The following RPS6KA2 variants were observed in gnomAD, a reference collection of about 807,000 sequenced individuals.
RPS6KA2 encodes ribosomal protein S6 kinase A2.
A neutral mutation model predicts 91.8 loss-of-function variants in RPS6KA2; 42 were observed. The observed-to-expected ratio is 0.46, with a 90% CI of 0.36 to 0.59. The LOEUF (loss-of-function observed/expected upper bound fraction) is 0.59. RPS6KA2 is among the 20% of genes least tolerant of loss of function. RPS6KA2 has a pLI of 0.00. For synonymous variants in RPS6KA2, 414 were observed against 393.6 expected, an observed-to-expected ratio of 1.05 and a Z score of -0.61; for missense variants, 798 against 978.5, an observed-to-expected ratio of 0.82 and a Z score of 2.46.
chr6:166,548,669 T>G (rs951295046), intron 1 of RPS6KA2, among the ~76,000 whole-genome samples: 4 of 152,214 alleles, frequency 2.6e-5, no homozygotes, highest in African/African-American at 9.6e-5. Context: ...ATTCCATCTC[T>G]TATACAATAA....
intron 2 of RPS6KA2, chr6:166,702,093 T>C (rs1383401422): frequency 2.1e-6 from 3 of 1,428,690 alleles, no homozygotes; most frequent in Non-Finnish European, 2.0e-6. Flanking sequence ...GTAGAGAGGA[T>C]AGTAATCGAC....
intron 10 of RPS6KA2, among the ~76,000 whole-genome samples, chr6:166,480,122 C>T (rs1781136820): frequency 6.6e-6 from 1 of 152,016 alleles, no homozygotes; most frequent in Non-Finnish European, 1.5e-5. Context: ...TTTACTTTTG[C>T]AGAGATTTTT....
chr6:166,480,477 TTTTATATA>T (rs1305133151), intron 10 of RPS6KA2, among the ~76,000 whole-genome samples: 3 of 43,920 alleles, frequency 6.8e-5, no homozygotes, highest in African/African-American at 3.7e-4. Flanking sequence ...AAGATTGTGA[TTTTATATA>T]TATATATATA....
At chr6:166,801,082 T>C (rs940172563) in intron 2 of RPS6KA2, among the ~76,000 whole-genome samples, 2 of 152,222 alleles carry the variant, frequency 1.3e-5, no homozygotes, top group African/African-American at 4.8e-5. Flanking sequence ...AACCATGGTA[T>C]GTGCACTTTT....
At chr6:166,535,080 C>T (rs537151363) in intron 2 of RPS6KA2, among the ~76,000 whole-genome samples, 8 of 152,324 alleles carry the variant, frequency 5.3e-5, no homozygotes, top group South Asian at 4.1e-4. Flanking sequence ...CTCGAGCTAA[C>T]GCAGGCACTG....
chr6:166,603,708 T>C lies in RPS6KA2; in HGVS notation c.99+23213A>G, dbSNP rs992170308. ...ATCTAAGGCTCAAGTTAGACAAAGT[T>C]AACAGGCACAGGAAGGATACTGAAT... On this transcript the variant is annotated intron_variant, in intron 1 of 20. Coordinates refer to ENST00000265678, the MANE Select transcript of RPS6KA2 (RefSeq NM_021135.6). This position sits in a 1 kb window ranked among gnomAD's most constrained non-coding sequence, Gnocchi z 4.3. 6.6e-6 allele frequency among the ~76,000 whole-genome samples: 1 copy of C among 152,046 alleles called. No individual in the cohort carries two copies. The highest frequency in any genetic ancestry group is 2.4e-5 in the African/African-American group (1 of 41,386).
chr6:166,472,731 G>A (rs1289701376), intron 10 of RPS6KA2, among the ~76,000 whole-genome samples: 14 of 152,160 alleles, frequency 9.2e-5, no homozygotes, highest in Non-Finnish European at 8.8e-5. Context: ...AGTTCTGGGC[G>A]GGGAGAATCG....
intron 20 of RPS6KA2, among the ~76,000 whole-genome samples, 169 bp downstream of exon 20, chr6:166,413,625 C>T (rs1012906089): frequency 6.6e-6 from 1 of 152,240 alleles, no homozygotes; most frequent in African/African-American, 2.4e-5. Flanking sequence ...TGCAATACTG[C>T]ACGTGTCTGG....
At position 166,612,853 on chromosome 6, in the gene RPS6KA2, A is replaced by C. The variant is rs1310776391; in HGVS notation, c.99+14068T>G. 6.6e-6 allele frequency among the ~76,000 whole-genome samples: 1 copy of C among 151,856 alleles called. No individual in the cohort carries two copies. Among genetic ancestry groups the C allele is most frequent in the African/African-American group, 2.4e-5 (1 of 41,328 alleles). On this transcript the variant is annotated intron_variant, in intron 1 of 20. Coordinates refer to ENST00000265678, the MANE Select transcript of RPS6KA2 (RefSeq NM_021135.6). This position sits in a 1 kb window ranked among gnomAD's most constrained non-coding sequence, Gnocchi z 4.3. ...CCTCCTCCCTCTGGCCCTGCGCACT[A>C]CGTCCCACTTGTTTCTTGACTCTTC...
chr6:166,862,346 CG>C (rs1419828545), exon 1 of RPS6KA2: 15 of 1,450,460 alleles, frequency 1.0e-5, no homozygotes, highest in East Asian at 2.5e-5. Flanking sequence ...GTCGTGAGCG[CG>C]GGGCCTGCGC....
chr6:166,580,048 C>T (rs1414701157), intron 1 of RPS6KA2, among the ~76,000 whole-genome samples: 1 of 152,252 alleles, frequency 6.6e-6, no homozygotes, highest in Non-Finnish European at 1.5e-5. Context: ...TTCTATGACT[C>T]AGCCCGGAGG....
chr6:166,570,908 C>A (rs935003084), intron 1 of RPS6KA2, among the ~76,000 whole-genome samples: 16 of 152,122 alleles, frequency 1.1e-4, no homozygotes, highest in Non-Finnish European at 2.2e-4. Flanking sequence ...TAGTGTTTAA[C>A]CCAGTTTAAA....
intron 1 of RPS6KA2, among the ~76,000 whole-genome samples, chr6:166,860,663 G>T (rs1432818659): frequency 6.6e-6 from 1 of 152,150 alleles, no homozygotes; most frequent in Non-Finnish European, 1.5e-5. Context: ...CCCTTCATTC[G>T]TGAGGGCTGA....
At chr6:166,837,091 C>T (rs572286199) in intron 2 of RPS6KA2, among the ~76,000 whole-genome samples, 15 of 152,210 alleles carry the variant, frequency 9.9e-5, no homozygotes, top group Non-Finnish European at 1.9e-4. Flanking sequence ...CTGCGTGCCC[C>T]GCCCGAGGAA....
chr6:166,619,816 T>C (rs1016478043), intron 1 of RPS6KA2, among the ~76,000 whole-genome samples: 2 of 152,272 alleles, frequency 1.3e-5, no homozygotes, highest in African/African-American at 4.8e-5. Context: ...TATCTGACCT[T>C]AGTTCTAGAG....
intron 2 of RPS6KA2, among the ~76,000 whole-genome samples, chr6:166,714,880 A>G (rs1789968144): frequency 6.6e-6 from 1 of 152,188 alleles, no homozygotes; most frequent in Non-Finnish European, 1.5e-5. Context: ...CAGAAATGCA[A>G]GTTGGCTTTG....
At chr6:166,735,412 C>A (rs1345285363) in intron 2 of RPS6KA2, among the ~76,000 whole-genome samples, 1 of 152,154 alleles carries the variant, frequency 6.6e-6, no homozygotes, top group Non-Finnish European at 1.5e-5. Flanking sequence ...GATAATTTTC[C>A]ATGGATGAGG....
At chr6:166,422,024 T>C (rs6923614) in intron 17 of RPS6KA2, among the ~76,000 whole-genome samples, 18,489 of 152,066 alleles carry the variant, frequency 0.12, 3,539 homozygotes, top group African/African-American at 0.41. Flanking sequence ...CTCAGCCTCC[T>C]GAGTAGCTGG....
At chr6:166,651,892 C>T (rs1787863766) in intron 2 of RPS6KA2, among the ~76,000 whole-genome samples, 1 of 152,264 alleles carries the variant, frequency 6.6e-6, no homozygotes, top group African/African-American at 2.4e-5. Context: ...TGCACACGCA[C>T]TGTGGACGCA....
Sources: allele counts gnomAD v4.1 joint callset (sites outside exome capture counted in the v4.1 genomes callset), GRCh38; gene constraint gnomAD v4.1.1; non-coding constraint Gnocchi (gnomAD v3.1); transcripts MANE v1.5; gene names NCBI Gene and HGNC (gene_info 2026-07-23, HGNC 2026-07-21).